The following CD163L1 variants were observed in gnomAD, a reference collection of about 807,000 sequenced individuals.
CD163L1 encodes the protein CD163 molecule like 1.
Under a neutral mutation model 165.4 loss-of-function variants are expected in CD163L1, and 124 were observed. The observed-to-expected ratio is 0.75, with a 90% CI of 0.65 to 0.87. CD163L1 has a LOEUF of 0.87. Ranked by LOEUF, CD163L1 falls within the 40% of genes least tolerant of loss-of-function variation. CD163L1 has a pLI of 0.00. For synonymous variants in CD163L1, 585 were observed against 662.2 expected, an observed-to-expected ratio of 0.88 and a Z score of 1.79; for missense variants, 1,525 against 1,799.9, an observed-to-expected ratio of 0.85 and a Z score of 2.76.
the CD163L1 span, among the ~76,000 whole-genome samples, chr12:7,329,601 GTTTT>G: frequency 6.6e-6 from 1 of 150,564 alleles, no homozygotes; most frequent in South Asian, 2.1e-4. Flanking sequence ...GACTGCAGTT[GTTTT>G]TTTTGTTTGT....
At chr12:7,434,793 A>G (rs1948693680) in intron 2 of CD163L1, among the ~76,000 whole-genome samples, 1 of 152,176 alleles carries the variant, frequency 6.6e-6, no homozygotes, top group African/African-American at 2.4e-5. Context: ...TTCAGTACAC[A>G]ATGGCTTAGT....
intron 18 of CD163L1, among the ~76,000 whole-genome samples, chr12:7,363,952 C>T (rs1296534055): frequency 1.3e-5 from 2 of 152,130 alleles, no homozygotes; most frequent in South Asian, 2.1e-4. Flanking sequence ...GCCAGCATTA[C>T]CCTGATACCA....
At chr12:7,328,366 G>C in the CD163L1 span, 1 of 1,586,432 alleles carries the variant, frequency 6.3e-7, no homozygotes. Flanking sequence ...GAATGGAGAG[G>C]AAGATAGTTT....
intron 8 of CD163L1, among the ~76,000 whole-genome samples, chr12:7,393,609 G>A (rs1591918943): frequency 1.3e-5 from 2 of 152,174 alleles, no homozygotes; most frequent in Admixed American, 1.3e-4. Flanking sequence ...AGGGTATTCA[G>A]TTAGGAAAAG....
chr12:7,439,203 C>G, intron 2 of CD163L1: 1 of 1,580,534 alleles, frequency 6.3e-7, no homozygotes. Context: ...ACACTTGATT[C>G]AGATTCCACC....
chr12:7,331,539 GGGCGGAC>G, the CD163L1 span, among the ~76,000 whole-genome samples: 1 of 152,194 alleles, frequency 6.6e-6, no homozygotes, highest in African/African-American at 2.4e-5. Flanking sequence ...CCCCCAGTAG[GGGCGGAC>G]TGACACCTCA....
At chr12:7,333,551 AT>A in the CD163L1 span, among the ~76,000 whole-genome samples, 1 of 152,244 alleles carries the variant, frequency 6.6e-6, no homozygotes, top group Admixed American at 6.5e-5. Flanking sequence ...AAGATCTAAA[AT>A]TGACACCCTA....
chr12:7,369,299 C>G lies in CD163L1; in HGVS notation c.4039+58G>C, dbSNP rs755916166. On this transcript the variant is annotated intron_variant, in intron 15 of 19. Coordinates refer to ENST00000313599, the MANE Select transcript of CD163L1 (RefSeq NM_174941.6). This position sits in a 1 kb window ranked among gnomAD's most constrained non-coding sequence, Gnocchi z 4.9. ...TCAACTCTCTGAGTGAGCCTGTTTC[C>G]CAGTGTTCTCTACCATTAGTGGGAG... The G allele has an allele frequency of 3.1e-5, 48 of 1,533,774 alleles. 1 individual carries two copies. In the African/African-American group the frequency reaches 5.9e-4, roughly 19 times the overall value.
Position 7,379,234 on chromosome 12 carries a change from C to G in CD163L1, c.2115G>C (p.Val705=), listed in dbSNP as rs775773274. 1 of 1,614,208 alleles carries G rather than the reference C, an allele frequency of 6.2e-7. No individual in the cohort carries two copies. Among genetic ancestry groups the G allele is most frequent in the Non-Finnish European group, 8.5e-7 (1 of 1,180,024 alleles). The change falls in exon 9 of 20, where the codon GTG becomes GTC. Residue 705 remains valine, a synonymous_variant. Coordinates refer to ENST00000313599, the MANE Select transcript of CD163L1 (RefSeq NM_174941.6). ...GSSRCAGKVE[V]NVQGAVGILC... is the part of the protein sequence containing the mutation. ...GAATTCCCACGGCACCCTGGACATT[C>G]ACCTCAACTTTTCCAGCACACCTGC...
downstream of CD163L1, among the ~76,000 whole-genome samples, chr12:7,345,191 C>T (rs780304309): frequency 6.7e-6 from 1 of 150,164 alleles, no homozygotes; most frequent in South Asian, 2.1e-4. Flanking sequence ...AACTTTTATG[C>T]TTTGCTTCTC....
At chr12:7,384,506 T>C (rs1265388928) in intron 8 of CD163L1, among the ~76,000 whole-genome samples, 2 of 152,116 alleles carry the variant, frequency 1.3e-5, no homozygotes, top group Non-Finnish European at 2.9e-5. Context: ...ATACTCAAAC[T>C]GTGAAAAGCC....
intron 18 of CD163L1, among the ~76,000 whole-genome samples, chr12:7,360,206 G>A (rs753226004): frequency 1.8e-4 from 28 of 151,790 alleles, no homozygotes; most frequent in African/African-American, 5.3e-4. Flanking sequence ...GCAATGGTGC[G>A]ATTTCGGCTC....
intron 8 of CD163L1, among the ~76,000 whole-genome samples, chr12:7,384,365 A>C (rs1244484591): frequency 6.6e-6 from 1 of 152,138 alleles, no homozygotes; most frequent in Non-Finnish European, 1.5e-5. Flanking sequence ...TGGCATAGAA[A>C]ACTTATTTAA....
intron 4 of CD163L1, among the ~76,000 whole-genome samples, chr12:7,423,021 T>A (rs1173338781): frequency 6.6e-6 from 1 of 151,964 alleles, no homozygotes; most frequent in African/African-American, 2.4e-5. Flanking sequence ...ATCAACAGAA[T>A]ATACATTTTT....
chr12:7,401,299 A>G (rs935525220), intron 6 of CD163L1, among the ~76,000 whole-genome samples: 1 of 152,080 alleles, frequency 6.6e-6, no homozygotes, highest in African/African-American at 2.4e-5. Flanking sequence ...AATTAATATT[A>G]TTATATTTTA....
At chr12:7,328,348 G>C in the CD163L1 span, 1 of 1,593,990 alleles carries the variant, frequency 6.3e-7, no homozygotes, top group East Asian at 2.3e-5. Flanking sequence ...AACGTTTTAA[G>C]AGACCAAGAA....
chr12:7,363,061 G>A (rs981432907), intron 18 of CD163L1, among the ~76,000 whole-genome samples: 2 of 151,888 alleles, frequency 1.3e-5, no homozygotes, highest in Non-Finnish European at 2.9e-5. Flanking sequence ...AGTACTAAGA[G>A]GGACGTTTAT....
Position 7,406,519 on chromosome 12 carries a change from A to T in CD163L1, c.1087+13T>A, listed in dbSNP as rs1339580682. 1 of 1,608,246 alleles carries T rather than the reference A, an allele frequency of 6.2e-7. No individual in the cohort carries two copies. The highest frequency in any genetic ancestry group is 8.5e-7 in the Non-Finnish European group (1 of 1,178,594). On this transcript the variant is annotated intron_variant, in intron 5 of 19. Transcript: ENST00000313599. Reference sequence around the variant, plus strand: ...AATTTTATCTGATGTAATCATGTGGATGTAAGTCTTACCTGAGCAGATCAC... The same window carrying T: ...AATTTTATCTGATGTAATCATGTGGTTGTAAGTCTTACCTGAGCAGATCAC...
At chr12:7,351,520 T>G (rs1313210678), downstream of CD163L1, among the ~76,000 whole-genome samples, 1 of 152,126 alleles carries the variant, frequency 6.6e-6, no homozygotes, top group East Asian at 1.9e-4. Context: ...CCTGTCAGAT[T>G]AGGGATTCCC....
Sources: gnomAD v4.1 joint callset for allele counts (sites outside exome capture counted in the v4.1 genomes callset) on GRCh38, gnomAD v4.1.1 for gene constraint, Gnocchi (gnomAD v3.1) non-coding constraint, MANE v1.5 for transcripts, NCBI Gene and HGNC (gene_info 2026-07-23, HGNC 2026-07-21) for gene names.